CACNB4: variants seen among roughly 807,000 people sequenced by gnomAD.
CACNB4 encodes calcium voltage-gated channel auxiliary subunit beta 4, also known as voltage-dependent L-type calcium channel subunit beta-4.
In CACNB4, 32 loss-of-function variants were observed where a neutral mutation model predicts 71.2. The observed-to-expected ratio is 0.45, with a 90% CI of 0.34 to 0.60. The LOEUF (loss-of-function observed/expected upper bound fraction) is 0.60. Ranked by LOEUF, CACNB4 falls within the 20% of genes least tolerant of loss-of-function variation. The pLI is 0.01. For synonymous variants in CACNB4, 231 were observed against 236.9 expected, an observed-to-expected ratio of 0.97 and a Z score of 0.23; for missense variants, 464 against 647.9, an observed-to-expected ratio of 0.72 and a Z score of 3.08.
chr2:151,875,339 G>A (rs1295616726), intron 5 of CACNB4, among the ~76,000 whole-genome samples: 2 of 148,264 alleles, frequency 1.3e-5, no homozygotes, highest in Non-Finnish European at 3.0e-5. Context: ...GGATCCCAAG[G>A]CAGAAGAATT....
rs559331000 is a variant in CACNB4 at position 152,082,677 on chromosome 2, A to G, written c.147+15653T>C. Among the ~76,000 whole-genome samples the G allele has an allele frequency of 6.2e-3, 942 of 152,354 alleles. 9 individuals are homozygous for G. The highest frequency in any genetic ancestry group is 0.054 in the South Asian group (260 of 4,834). The stretch of plus-strand genomic sequence containing the variant: ...AACAAGGAAAACAGAGGCCTTAAGA[A>G]GTATTCATTCAGGCAGTCTCCCCTG... On this transcript the variant is annotated intron_variant, in intron 2 of 13. Coordinates refer to ENST00000539935, the MANE Select transcript of CACNB4 (RefSeq NM_000726.5).
chr2:151,972,506 A>T (rs1051482197), intron 2 of CACNB4: 2 of 152,224 alleles, frequency 1.3e-5, no homozygotes, highest in African/African-American at 4.8e-5. Context: ...ATACACTGAC[A>T]GTCTGATCAT....
rs561664596 is a variant in CACNB4 at position 151,997,121 on chromosome 2, A to G, written c.147+101209T>C. Among the ~76,000 whole-genome samples, 6 of 152,272 alleles carry G rather than the reference A, an allele frequency of 3.9e-5. No homozygotes were observed. In the East Asian group the frequency reaches 1.2e-3, roughly 29 times the overall value. On this transcript the variant is annotated intron_variant, in intron 2 of 13. Coordinates refer to ENST00000539935, the MANE Select transcript of CACNB4 (RefSeq NM_000726.5). The stretch of plus-strand genomic sequence containing the variant: ...ATACATCTGCATTCAAATCCCTGGA[A>G]CCTCTAAATGTGACCTCATTTGGAA...
At chr2:152,073,097 T>G (rs569264527) in intron 2 of CACNB4, among the ~76,000 whole-genome samples, 20 of 152,250 alleles carry the variant, frequency 1.3e-4, no homozygotes, top group Admixed American at 1.2e-3. Flanking sequence ...TCAAGGATTT[T>G]CATAAAATAT....
At position 151,933,427 on chromosome 2, in the gene CACNB4, G is replaced by A. The variant is rs116997111; in HGVS notation, c.148-50057C>T. Among the ~76,000 whole-genome samples, 25 of 152,058 alleles carry A rather than the reference G, an allele frequency of 1.6e-4. No homozygotes were observed. The East Asian group carries it at 4.3e-3, about 26-fold the overall frequency. ...TTATTTACTAAATAATCAACATTGAGCTGTACATGCATTATTTTATATATG... is the reference window on the plus strand; with the variant it reads ...TTATTTACTAAATAATCAACATTGAACTGTACATGCATTATTTTATATATG... On this transcript the variant is annotated intron_variant, in intron 2 of 13. Transcript: ENST00000539935.
chr2:151,961,656 C>T (rs899967461), intron 2 of CACNB4, among the ~76,000 whole-genome samples: 5 of 151,994 alleles, frequency 3.3e-5, no homozygotes, highest in Non-Finnish European at 5.9e-5. Flanking sequence ...TTTGGGAAGC[C>T]GAGGCAGGAG....
At chr2:151,983,399 C>A (rs547711199) in intron 2 of CACNB4, among the ~76,000 whole-genome samples, 1 of 152,236 alleles carries the variant, frequency 6.6e-6, no homozygotes. Context: ...TTAGTTGGAG[C>A]ACTAAGTCCA....
intron 2 of CACNB4, among the ~76,000 whole-genome samples, chr2:152,002,250 G>A (rs1446735167): frequency 3.9e-5 from 6 of 152,064 alleles, no homozygotes; most frequent in African/African-American, 1.2e-4. Context: ...GTCCTCTTTC[G>A]TCCTCTTACT....
intron 2 of CACNB4, among the ~76,000 whole-genome samples, chr2:152,081,833 G>C (rs1023229243): frequency 6.6e-6 from 1 of 152,098 alleles, no homozygotes. Flanking sequence ...TGCAATAAAG[G>C]CAACTTTGCT....
intron 2 of CACNB4, among the ~76,000 whole-genome samples, chr2:151,895,846 CT>C (rs11446492): frequency 1.1e-3 from 149 of 140,182 alleles, no homozygotes; most frequent in African/African-American, 3.0e-3. Flanking sequence ...TAATTGTGTA[CT>C]TTTTTTTTTT....
chr2:152,048,449 C>A (rs962873604), intron 2 of CACNB4: 4 of 152,350 alleles, frequency 2.6e-5, no homozygotes, highest in Non-Finnish European at 4.4e-5. Context: ...GAAAGAGAAT[C>A]TGTCCAATAG....
At chr2:152,061,759 C>T (rs1171473972) in intron 2 of CACNB4, among the ~76,000 whole-genome samples, 2 of 151,952 alleles carry the variant, frequency 1.3e-5, no homozygotes, top group Non-Finnish European at 2.9e-5. Context: ...CACCTGTAAT[C>T]CCAGCACTCT....
At chr2:151,889,252 T>C (rs68180037) in intron 2 of CACNB4, among the ~76,000 whole-genome samples, 32,365 of 152,028 alleles carry the variant, frequency 0.21, 3,665 homozygotes, top group Middle Eastern at 0.39. Context: ...ACGGATCACC[T>C]GAGGTCAGGA....
chr2:152,034,187 C>T (rs1025799859), intron 2 of CACNB4, among the ~76,000 whole-genome samples: 1 of 152,186 alleles, frequency 6.6e-6, no homozygotes, highest in African/African-American at 2.4e-5. Flanking sequence ...ATTAAATGAT[C>T]GGAATGCCCA....
chr2:151,938,037 C>A (rs1264998565), intron 2 of CACNB4, among the ~76,000 whole-genome samples: 1 of 152,240 alleles, frequency 6.6e-6, no homozygotes, highest in Non-Finnish European at 1.5e-5. Flanking sequence ...AACCCAATAT[C>A]TTGAGTTCCC....
chr2:151,896,139 C>G (rs2099851999), intron 2 of CACNB4, among the ~76,000 whole-genome samples: 1 of 152,182 alleles, frequency 6.6e-6, no homozygotes, highest in African/African-American at 2.4e-5. Flanking sequence ...AGACACCACG[C>G]CCAGCCAACT....
At chr2:151,920,318 C>CTTTTT (rs10574154) in intron 2 of CACNB4, among the ~76,000 whole-genome samples, 2 of 66,092 alleles carry the variant, frequency 3.0e-5, no homozygotes, top group Non-Finnish European at 5.4e-5. Context: ...TCTTCTTCTT[C>CTTTTT]TTTTTTTTTT....
chr2:151,881,791 A>C (rs2099847931), intron 3 of CACNB4, among the ~76,000 whole-genome samples: 1 of 152,196 alleles, frequency 6.6e-6, no homozygotes, highest in African/African-American at 2.4e-5. Context: ...GTACTGCAAG[A>C]AAAGCCCCTT....
At chr2:152,015,002 G>C (rs149404618) in intron 2 of CACNB4, among the ~76,000 whole-genome samples, 216 of 152,284 alleles carry the variant, frequency 1.4e-3, no homozygotes, top group African/African-American at 5.0e-3. Flanking sequence ...GTGCTCGTTT[G>C]TCAAAACCAT....
Sources: gnomAD v4.1 joint callset for allele counts (sites outside exome capture counted in the v4.1 genomes callset) on GRCh38, gnomAD v4.1.1 for gene constraint, MANE v1.5 for transcripts, NCBI Gene and HGNC (gene_info 2026-07-23, HGNC 2026-07-21) for gene names.